The following ZBBX variants were observed in gnomAD, a reference collection of about 807,000 sequenced individuals.
ZBBX encodes zinc finger B-box domain containing.
ZBBX carries 101 observed loss-of-function variants against 108.5 expected under a neutral mutation model. That is an observed-to-expected ratio of 0.93 (90% CI 0.79 to 1.10). The LOEUF is 1.10. Among genes scored for constraint, ZBBX ranks in the 50% least tolerant of loss-of-function variants. The pLI, the probability that ZBBX is intolerant of heterozygous loss-of-function variation, is 0.00. For synonymous variants in ZBBX, 356 were observed against 323.4 expected (o/e 1.10, Z -1.08); for missense variants, 1,009 against 941.4 (o/e 1.07, Z -0.94).
the ZBBX span, among the ~76,000 whole-genome samples, chr3:167,202,180 G>A: frequency 5.9e-5 from 9 of 152,078 alleles, no homozygotes; most frequent in African/African-American, 2.2e-4. Context: ...AGAAGGGCTT[G>A]AACCTGAGGC....
At chr3:167,367,658 C>T (rs1361865605) in intron 5 of ZBBX, among the ~76,000 whole-genome samples, 1 of 150,128 alleles carries the variant, frequency 6.7e-6, no homozygotes, top group East Asian at 1.9e-4. Context: ...CATTCACACA[C>T]ATGTATATAC....
chr3:167,344,246 G>T (rs1319919409), intron 9 of ZBBX, among the ~76,000 whole-genome samples: 1 of 151,778 alleles, frequency 6.6e-6, no homozygotes, highest in Non-Finnish European at 1.5e-5. Context: ...AGGGTATGGG[G>T]TTTCTTTTTG....
chr3:167,405,565 G>C (rs1228379554), intron 1 of ZBBX, among the ~76,000 whole-genome samples: 1 of 152,234 alleles, frequency 6.6e-6, no homozygotes, highest in Non-Finnish European at 1.5e-5. Context: ...TAGGAACATG[G>C]CTGCATTAAA....
At chr3:167,353,244 CT>C (rs1379669380) in intron 8 of ZBBX, among the ~76,000 whole-genome samples, 1 of 152,048 alleles carries the variant, frequency 6.6e-6, no homozygotes, top group Non-Finnish European at 1.5e-5. Flanking sequence ...CTCTGACACA[CT>C]CATCAATTGA....
chr3:167,288,841 C>T, intron 19 of ZBBX, 26 bp downstream of exon 19: 1 of 1,475,184 alleles, frequency 6.8e-7, no homozygotes, highest in Non-Finnish European at 9.2e-7. Flanking sequence ...GCCAACATGG[C>T]ACTGCTGCCT....
chr3:167,298,451 T>C lies in ZBBX; in HGVS notation c.1733A>G (p.Gln578Arg). 7 of 1,495,374 alleles carry C rather than the reference T, an allele frequency of 4.7e-6. No individual in the cohort carries two copies. Among genetic ancestry groups the C allele is most frequent in the Non-Finnish European group, 6.3e-6 (7 of 1,113,890 alleles). 92.6% of individuals were successfully genotyped at this position (1,495,374 alleles called of 1,614,324 possible). ...SKTTKSSLLL[Q>R]EIACRSKPIT... Reference sequence around the variant, plus strand: ...AGGCTTACTTCTGCAGGCTATTTCTTGTAACAACTAAGAAACAAAATATTC... The same window carrying C: ...AGGCTTACTTCTGCAGGCTATTTCTCGTAACAACTAAGAAACAAAATATTC... The change falls in exon 18 of 22, where the codon CAA becomes CGA. Residue 578 changes from glutamine (Q) to arginine (R), a missense_variant. Gln to Arg is a conservative substitution (Grantham distance 43). Coordinates refer to ENST00000675490, the MANE Select transcript of ZBBX (RefSeq NM_001199201.2).
intron 15 of ZBBX, 30 bp downstream of exon 15, chr3:167,315,720 T>C: frequency 6.6e-7 from 1 of 1,525,072 alleles, no homozygotes; most frequent in East Asian, 2.3e-5. Flanking sequence ...GGGCTCAATA[T>C]GCACACAAAG....
At chr3:167,204,405 T>C in the ZBBX span, among the ~76,000 whole-genome samples, 920 of 132,066 alleles carry the variant, frequency 7.0e-3, 9 homozygotes, top group Middle Eastern at 0.015. Context: ...CCTGACCCCA[T>C]CACAGTCCCC....
intron 19 of ZBBX, among the ~76,000 whole-genome samples, chr3:167,286,107 C>A (rs73879654): frequency 0.017 from 2,625 of 152,020 alleles, 75 homozygotes; most frequent in African/African-American, 0.06. Flanking sequence ...TGGACTGAAG[C>A]TGAATAATGG....
chr3:167,333,705 C>T, intron 10 of ZBBX, 122 bp downstream of exon 10: 2 of 881,868 alleles, frequency 2.3e-6, no homozygotes, highest in Non-Finnish European at 1.6e-6. Context: ...AGAACAAATC[C>T]ATATGAAATA....
intron 1 of ZBBX, among the ~76,000 whole-genome samples, chr3:167,396,587 T>C (rs1366104827): frequency 6.6e-6 from 1 of 152,106 alleles, no homozygotes; most frequent in Non-Finnish European, 1.5e-5. Flanking sequence ...TTTGTTTTGT[T>C]GAAACTAAGC....
At chr3:167,207,066 G>T in the ZBBX span, among the ~76,000 whole-genome samples, 4 of 152,256 alleles carry the variant, frequency 2.6e-5, no homozygotes, top group South Asian at 4.1e-4. Context: ...CCTGATATTT[G>T]CATTGGCAAT....
At chr3:167,281,610 C>A (rs1001447599) in intron 20 of ZBBX, among the ~76,000 whole-genome samples, 1 of 152,124 alleles carries the variant, frequency 6.6e-6, no homozygotes, top group African/African-American at 2.4e-5. Context: ...TGCTACTGAG[C>A]CAGACCTTTA....
intron 2 of ZBBX, among the ~76,000 whole-genome samples, chr3:167,377,157 C>A (rs549741730): frequency 6.6e-6 from 1 of 152,072 alleles, no homozygotes; most frequent in Non-Finnish European, 1.5e-5. Flanking sequence ...CCAATATAAC[C>A]CAAAATTGTC....
At chr3:167,303,666 T>A (rs1028800706) in intron 17 of ZBBX, among the ~76,000 whole-genome samples, 1 of 152,170 alleles carries the variant, frequency 6.6e-6, no homozygotes, top group Non-Finnish European at 1.5e-5. Flanking sequence ...AATTCTAGAT[T>A]GTTAGTCAGT....
intron 17 of ZBBX, among the ~76,000 whole-genome samples, chr3:167,300,196 A>G (rs1484809182): frequency 6.6e-6 from 1 of 152,226 alleles, no homozygotes; most frequent in Non-Finnish European, 1.5e-5. Flanking sequence ...TCCTGGAGTC[A>G]GAAACCCATT....
intron 5 of ZBBX, among the ~76,000 whole-genome samples, chr3:167,367,602 A>T (rs2108575590): frequency 6.6e-6 from 1 of 150,458 alleles, no homozygotes; most frequent in Admixed American, 6.6e-5. Context: ...AAAAAAAAGT[A>T]AACGATACAA....
the ZBBX span, among the ~76,000 whole-genome samples, chr3:167,193,000 G>A: frequency 6.6e-6 from 1 of 152,098 alleles, no homozygotes; most frequent in African/African-American, 2.4e-5. Flanking sequence ...CTTTGAGGAG[G>A]TCATGGTTTC....
chr3:167,404,426 C>T (rs926731519), intron 1 of ZBBX, among the ~76,000 whole-genome samples: 1 of 152,100 alleles, frequency 6.6e-6, no homozygotes, highest in African/African-American at 2.4e-5. Context: ...TTGCTCGCCA[C>T]ACAGAAAACC....
Sources: gnomAD v4.1 joint callset for allele counts (sites outside exome capture counted in the v4.1 genomes callset) on GRCh38, gnomAD v4.1.1 for gene constraint, MANE v1.5 for transcripts, NCBI Gene and HGNC (gene_info 2026-07-23, HGNC 2026-07-21) for gene names.